TGFB2: variants seen among roughly 807,000 people sequenced by gnomAD.
The protein encoded by TGFB2 is transforming growth factor beta-2 proprotein.
In TGFB2, 13 loss-of-function variants were observed where a neutral mutation model predicts 42.7. The ratio of observed to expected loss-of-function variants is 0.30; its 90% confidence interval spans 0.20 to 0.48. TGFB2 has a LOEUF of 0.48. Among genes scored for constraint, TGFB2 ranks in the 20% least tolerant of loss-of-function variants. The probability of loss-of-function intolerance (pLI) is 0.99; values close to 1 mark genes in which losing one functional copy is unlikely to be tolerated. For synonymous variants in TGFB2, 193 were observed against 193.6 expected, an observed-to-expected ratio of 1.00 and a Z score of 0.03; for missense variants, 390 against 517.5, an observed-to-expected ratio of 0.75 and a Z score of 2.39.
intron 1 of TGFB2, among the ~76,000 whole-genome samples, chr1:218,394,183 A>G (rs1658417575): frequency 1.3e-5 from 2 of 152,146 alleles, no homozygotes; most frequent in Admixed American, 1.3e-4. Context: ...TGCTTGGATT[A>G]TAGGCGTAAG....
At chr1:218,388,259 C>T (rs1453506414) in intron 1 of TGFB2, among the ~76,000 whole-genome samples, 1 of 152,218 alleles carries the variant, frequency 6.6e-6, no homozygotes, top group Non-Finnish European at 1.5e-5. Context: ...GTTTAGGCTG[C>T]ACCGATTGCC....
intron 1 of TGFB2, among the ~76,000 whole-genome samples, chr1:218,378,565 C>A (rs573397358): frequency 6.6e-6 from 1 of 152,214 alleles, no homozygotes; most frequent in South Asian, 2.1e-4. Context: ...CCTCCCCCCT[C>A]GGCCTCCCAA....
intron 1 of TGFB2, among the ~76,000 whole-genome samples, chr1:218,381,868 C>A (rs1657974701): frequency 6.6e-6 from 1 of 152,156 alleles, no homozygotes; most frequent in Admixed American, 6.5e-5. Context: ...CGTGCCTATG[C>A]ACACAATGGG....
At chr1:218,374,523 A>G (rs746693366) in intron 1 of TGFB2, among the ~76,000 whole-genome samples, 11 of 152,216 alleles carry the variant, frequency 7.2e-5, no homozygotes, top group Non-Finnish European at 1.3e-4. Flanking sequence ...TGCCTACCAG[A>G]AGCAGTTCTC....
At chr1:218,363,545 C>G in intron 1 of TGFB2, 1 of 901,876 alleles carries the variant, frequency 1.1e-6, no homozygotes, top group Non-Finnish European at 1.7e-6. Context: ...TGTACCTGAG[C>G]GATCACAAAG....
At chr1:218,348,761 A>G (rs111852626) in intron 1 of TGFB2, among the ~76,000 whole-genome samples, 222 of 152,348 alleles carry the variant, frequency 1.5e-3, no homozygotes, top group African/African-American at 4.9e-3. Context: ...TAGCATGTGC[A>G]TCGGTTCTAC....
chr1:218,388,547 G>T (rs145000364), intron 1 of TGFB2, among the ~76,000 whole-genome samples: 10 of 152,100 alleles, frequency 6.6e-5, no homozygotes, highest in African/African-American at 2.4e-4. Flanking sequence ...TGAAACATGG[G>T]GGACCTGGTC....
chr1:218,354,987 C>A lies in TGFB2; in HGVS notation c.346+7940C>A, dbSNP rs555563234. Among the ~76,000 whole-genome samples the A allele has an allele frequency of 3.9e-5, 6 of 152,362 alleles. 1 individual carries two copies. The South Asian group carries it at 1.2e-3, about 32-fold the overall frequency. On this transcript the variant is annotated intron_variant, in intron 1 of 6. Coordinates refer to ENST00000366930, the MANE Select transcript of TGFB2 (RefSeq NM_003238.6). ...GCACCATCTCAGCTTACTGCAACCT[C>A]TGGCTCCCGGGTCCAAGCAATTCTC...
rs1410071160 is a variant in TGFB2 at position 218,433,770 on chromosome 1, T to C, written c.511-312T>C. 2.6e-5 allele frequency among the ~76,000 whole-genome samples: 4 copies of C among 152,222 alleles called. 1 individual carries two copies. The South Asian group carries it at 6.2e-4, about 24-fold the overall frequency. On this transcript the variant is annotated intron_variant, in intron 2 of 6. Coordinates refer to ENST00000366930, the MANE Select transcript of TGFB2 (RefSeq NM_003238.6). ...ACCATTAACTTAATAGCATAGAATTTATGGCTGAAATCTTGCAAAGCTTAT... is the reference window on the plus strand; with the variant it reads ...ACCATTAACTTAATAGCATAGAATTCATGGCTGAAATCTTGCAAAGCTTAT...
At chr1:218,389,738 G>A (rs1370323991) in intron 1 of TGFB2, among the ~76,000 whole-genome samples, 2 of 152,184 alleles carry the variant, frequency 1.3e-5, no homozygotes, top group Non-Finnish European at 2.9e-5. Context: ...CATAGAAGCT[G>A]AATTAAGGTA....
chr1:218,400,140 C>G (rs1054581571), intron 1 of TGFB2, among the ~76,000 whole-genome samples: 2 of 151,846 alleles, frequency 1.3e-5, no homozygotes, highest in Non-Finnish European at 2.9e-5. Flanking sequence ...AATCCTATAA[C>G]TATATGAGGC....
intron 1 of TGFB2, among the ~76,000 whole-genome samples, chr1:218,393,769 A>C (rs576332334): frequency 6.6e-6 from 1 of 152,312 alleles, no homozygotes; most frequent in East Asian, 1.9e-4. Context: ...GGCCTGTTCC[A>C]GCTGTGAGGA....
chr1:218,416,924 T>C (rs1402280462), intron 2 of TGFB2, among the ~76,000 whole-genome samples: 1 of 152,232 alleles, frequency 6.6e-6, no homozygotes, highest in East Asian at 1.9e-4. Context: ...ATGTGAGATG[T>C]GCCTTTCACC....
chr1:218,385,226 A>G (rs908691715), intron 1 of TGFB2, among the ~76,000 whole-genome samples: 1 of 152,184 alleles, frequency 6.6e-6, no homozygotes, highest in African/African-American at 2.4e-5. Flanking sequence ...TAGATAAGAT[A>G]ATGTAAGCAA....
In TGFB2 at chr1:218,380,526, T is replaced by C. The variant is rs532621431; in HGVS notation, c.347-24643T>C. 1.1e-3 allele frequency among the ~76,000 whole-genome samples: 162 copies of C among 152,298 alleles called. 2 individuals are homozygous for C. Among genetic ancestry groups the C allele is most frequent in the African/African-American group, 2.6e-3 (108 of 41,564 alleles). On this transcript the variant is annotated intron_variant, in intron 1 of 6. Transcript: ENST00000366930. The stretch of plus-strand genomic sequence containing the variant: ...GTTTATAGAGTTGGAAGATTTTTAA[T>C]ATCTTTATTTGAATTGCACAAAGCA...
intron 1 of TGFB2, among the ~76,000 whole-genome samples, 158 bp downstream of exon 1, chr1:218,347,205 T>G (rs1656716635): frequency 6.6e-6 from 1 of 152,222 alleles, no homozygotes; most frequent in Non-Finnish European, 1.5e-5. Flanking sequence ...TTCAGTTGTA[T>G]GCTTGAGGCC....
chr1:218,430,167 T>G (rs1180122374), intron 2 of TGFB2, among the ~76,000 whole-genome samples: 1 of 152,024 alleles, frequency 6.6e-6, no homozygotes, highest in Admixed American at 6.6e-5. Flanking sequence ...TCCTAGCACT[T>G]TGGGAGGCTG....
chr1:218,413,612 A>C (rs1659175471), intron 2 of TGFB2, among the ~76,000 whole-genome samples: 1 of 152,232 alleles, frequency 6.6e-6, no homozygotes. Flanking sequence ...TCCCCTATTT[A>C]AGATTTTTTC....
chr1:218,429,125 T>C (rs536891997), intron 2 of TGFB2, among the ~76,000 whole-genome samples: 45 of 152,004 alleles, frequency 3.0e-4, no homozygotes, highest in African/African-American at 1.1e-3. Context: ...GGATTACAGG[T>C]GTGTGCCACA....
Sources: allele counts gnomAD v4.1 joint callset (sites outside exome capture counted in the v4.1 genomes callset), GRCh38; gene constraint gnomAD v4.1.1; transcripts MANE v1.5; gene names NCBI Gene and HGNC (gene_info 2026-07-23, HGNC 2026-07-21).